The following KLRG1 variants were observed in gnomAD, a reference collection of about 807,000 sequenced individuals.
KLRG1 encodes the protein killer cell lectin like receptor G1.
Under a neutral mutation model 21.8 loss-of-function variants are expected in KLRG1, and 16 were observed. The observed-to-expected ratio is 0.73, with a 90% CI of 0.50 to 1.11. The LOEUF (loss-of-function observed/expected upper bound fraction) is 1.11, where lower values mean the gene tolerates loss of function less well. Ranked by LOEUF, KLRG1 falls within the 50% of genes most tolerant of loss-of-function variation. The pLI is 0.00. For synonymous variants in KLRG1, 69 were observed against 75.9 expected (o/e 0.91, Z 0.47); for missense variants, 173 against 218.3 (o/e 0.79, Z 1.31).
the KLRG1 span, chr12:9,208,131 A>G: frequency 1.5e-6 from 1 of 659,612 alleles, no homozygotes; most frequent in Non-Finnish European, 2.7e-6. Flanking sequence ...GATTAACTGG[A>G]ATAATTTCTT....
intron 1 of KLRG1, among the ~76,000 whole-genome samples, chr12:8,977,207 AT>A (rs34727740): frequency 0.67 from 94,518 of 141,948 alleles, 33,054 homozygotes; most frequent in Non-Finnish European, 0.79. Flanking sequence ...CTAGCTACTG[AT>A]TTTTTTTTTT....
chr12:9,086,259 C>T, the KLRG1 span, among the ~76,000 whole-genome samples: 1 of 152,120 alleles, frequency 6.6e-6, no homozygotes, highest in Non-Finnish European at 1.5e-5. Flanking sequence ...ACTAGCATAG[C>T]AGCTAAGCAT....
At chr12:9,012,998 C>T (rs1283924918), downstream of KLRG1, among the ~76,000 whole-genome samples, 2 of 152,094 alleles carry the variant, frequency 1.3e-5, no homozygotes, top group African/African-American at 2.4e-5. Flanking sequence ...CCAGATAGCT[C>T]AGTATGGAGA....
chr12:9,111,610 G>A, the KLRG1 span: 54 of 440,760 alleles, frequency 1.2e-4, no homozygotes, highest in Non-Finnish European at 2.3e-4. Flanking sequence ...TTTTGTCTTT[G>A]GAGCTAGAAG....
the KLRG1 span, among the ~76,000 whole-genome samples, chr12:9,049,070 A>G: frequency 3.9e-5 from 6 of 152,364 alleles, no homozygotes; most frequent in African/African-American, 1.2e-4. Context: ...GACTTTCCCC[A>G]GGCTAAAATG....
At chr12:9,169,350 A>G in the KLRG1 span, 31 of 1,298,934 alleles carry the variant, frequency 2.4e-5, no homozygotes, top group Non-Finnish European at 3.2e-5. Context: ...CATAATTACT[A>G]AGATTATGAA....
At chr12:9,119,497 G>A in the KLRG1 span, among the ~76,000 whole-genome samples, 5 of 152,146 alleles carry the variant, frequency 3.3e-5, no homozygotes, top group East Asian at 9.6e-4. Flanking sequence ...GCTTGCTGAG[G>A]GTGATGGGGA....
rs1947093562 is a variant in KLRG1, at chr12:8,995,177, T to G, written c.246T>G (p.Tyr82Ter). The change falls in exon 3 of 5, where the codon TAT becomes TAG. Residue 82 changes from tyrosine to a stop codon, truncating the protein, a stop_gained. Transcript: ENST00000356986. LOFTEE classifies it high-confidence loss of function. ...GCTGCCCAGACCGCTGGATGAAATA[T>G]GGTAACCATTGTTATTATTTCTCAG... Reference protein sequence around the residue: ...CPSCPDRWMKYGNHCYYFSVE... With the variant: ...CPSCPDRWMK 1 of 1,613,648 alleles carries G rather than the reference T, an allele frequency of 6.2e-7. No homozygotes were observed. Among genetic ancestry groups the G allele is most frequent in the Admixed American group, 1.7e-5 (1 of 59,958 alleles).
the KLRG1 span, among the ~76,000 whole-genome samples, chr12:9,165,754 C>T: frequency 6.6e-6 from 1 of 152,148 alleles, no homozygotes; most frequent in Non-Finnish European, 1.5e-5. Flanking sequence ...TGCTCCAGCC[C>T]TGATATTTAC....
chr12:9,210,601 A>G, the KLRG1 span, among the ~76,000 whole-genome samples: 3 of 152,288 alleles, frequency 2.0e-5, no homozygotes, highest in African/African-American at 7.2e-5. Flanking sequence ...TTGCTTTTCA[A>G]TACCTCCAGT....
At chr12:9,127,653 T>G in the KLRG1 span, 1 of 154,690 alleles carries the variant, frequency 6.5e-6, no homozygotes, top group Non-Finnish European at 1.4e-5. Context: ...CCGTAGCCTG[T>G]CTGTGTCCTC....
the KLRG1 span, among the ~76,000 whole-genome samples, chr12:9,154,021 T>C: frequency 6.6e-6 from 1 of 152,226 alleles, no homozygotes; most frequent in African/African-American, 2.4e-5. Flanking sequence ...ATGAAGAAGC[T>C]GAGTTCCTTG....
At chr12:9,001,181 C>A (rs763032614) in intron 3 of KLRG1, among the ~76,000 whole-genome samples, 1 of 152,206 alleles carries the variant, frequency 6.6e-6, no homozygotes, top group South Asian at 2.1e-4. Flanking sequence ...TGAAACATCT[C>A]TAAATTTAAA....
chr12:9,016,088 G>A, the KLRG1 span, among the ~76,000 whole-genome samples: 7 of 151,982 alleles, frequency 4.6e-5, no homozygotes, highest in South Asian at 4.2e-4. Flanking sequence ...TTAACAATGC[G>A]TCTTAAAGAA....
chr12:9,106,642 C>G, the KLRG1 span: 4 of 1,080,898 alleles, frequency 3.7e-6, no homozygotes, highest in Admixed American at 8.0e-5. Context: ...AAATATAATG[C>G]ATATTATACT....
chr12:9,059,466 A>T, the KLRG1 span, among the ~76,000 whole-genome samples: 2 of 152,248 alleles, frequency 1.3e-5, no homozygotes, highest in African/African-American at 4.8e-5. Context: ...GGATTAAAAA[A>T]ATCCAAACAC....
the KLRG1 span, among the ~76,000 whole-genome samples, chr12:9,163,497 A>T: frequency 1.3e-5 from 2 of 152,030 alleles, no homozygotes; most frequent in African/African-American, 4.8e-5. Context: ...GTGAAAAAAA[A>T]TTTACAATAG....
At chr12:9,095,806 G>A in the KLRG1 span, 25 of 936,586 alleles carry the variant, frequency 2.7e-5, no homozygotes, top group Non-Finnish European at 3.5e-5. Context: ...AGGCCGGACC[G>A]CGGACTGCAG....
the KLRG1 span, among the ~76,000 whole-genome samples, chr12:9,088,063 G>A: frequency 6.6e-6 from 1 of 152,028 alleles, no homozygotes; most frequent in African/African-American, 2.4e-5. Flanking sequence ...TTTAACATAG[G>A]TAAATCTCCA....
Sources: gnomAD v4.1 joint callset for allele counts (sites outside exome capture counted in the v4.1 genomes callset) on GRCh38, gnomAD v4.1.1 for gene constraint, MANE v1.5 for transcripts, NCBI Gene and HGNC (gene_info 2026-07-23, HGNC 2026-07-21) for gene names.